The following CAPN8 variants were observed in gnomAD, a reference collection of about 807,000 sequenced individuals.
CAPN8 encodes the protein calpain 8.
In CAPN8, 87 loss-of-function variants were observed where a neutral mutation model predicts 80.9. The ratio of observed to expected loss-of-function variants is 1.07; its 90% CI spans 0.90 to 1.28. CAPN8 has a LOEUF of 1.28. Ranked by LOEUF, CAPN8 falls within the 50% of genes most tolerant of loss-of-function variation. The probability of loss-of-function intolerance (pLI) is 0.00; values close to 1 mark genes in which losing one functional copy is unlikely to be tolerated. For missense variants in CAPN8, 757 were observed against 702.0 expected (o/e 1.08, Z -0.89); for synonymous variants, 299 against 273.8 (o/e 1.09, Z -0.91).
At chr1:223,634,669 G>T (rs1056478398) in intron 2 of CAPN8, among the ~76,000 whole-genome samples, 1 of 152,204 alleles carries the variant, frequency 6.6e-6, no homozygotes, top group African/African-American at 2.4e-5. Context: ...GTTCATAAAT[G>T]GCTGTCTTCC....
chr1:223,664,931 C>A (rs1307211973), intron 1 of CAPN8, among the ~76,000 whole-genome samples: 1 of 152,054 alleles, frequency 6.6e-6, no homozygotes, highest in Non-Finnish European at 1.5e-5. Flanking sequence ...CAGAGTGAGA[C>A]TCTGCCTCAA....
At chr1:223,623,002 C>A (rs1657449626) in intron 6 of CAPN8, 102 bp from the exon 7 acceptor site, 1 of 843,040 alleles carries the variant, frequency 1.2e-6, no homozygotes, top group East Asian at 2.7e-5. Flanking sequence ...TTTCAAATGT[C>A]CCTAAAGGAC....
chr1:223,651,253 G>C (rs548732531), intron 2 of CAPN8, among the ~76,000 whole-genome samples: 3 of 152,234 alleles, frequency 2.0e-5, no homozygotes, highest in East Asian at 3.9e-4. Context: ...TGAGCGTTGT[G>C]GGAGGGCTTT....
intron 16 of CAPN8, 26 bp from the exon 17 acceptor site, chr1:223,545,325 T>C (rs368558606): frequency 7.5e-5 from 116 of 1,551,348 alleles, no homozygotes; most frequent in South Asian, 2.0e-4. Context: ...ACCAACATGA[T>C]TGAGTCCAAA....
intron 17 of CAPN8, 70 bp from the exon 18 acceptor site, chr1:223,544,920 C>T (rs745565085): frequency 1.0e-5 from 16 of 1,547,846 alleles, no homozygotes; most frequent in Non-Finnish European, 1.1e-5. Flanking sequence ...TCTCCCTCCA[C>T]CACACTGCTT....
chr1:223,556,487 C>A (rs2102694512), intron 13 of CAPN8, among the ~76,000 whole-genome samples: 1 of 152,266 alleles, frequency 6.6e-6, no homozygotes, highest in East Asian at 1.9e-4. Flanking sequence ...CCTGAGGACT[C>A]CCAGTTCATC....
intron 14 of CAPN8, among the ~76,000 whole-genome samples, chr1:223,553,569 G>A (rs1178585993): frequency 4.6e-5 from 7 of 152,166 alleles, no homozygotes; most frequent in African/African-American, 1.7e-4. Context: ...CTTTTGGCAG[G>A]ACCTGGAGAT....
chr1:223,657,822 G>A (rs894199212), intron 1 of CAPN8, among the ~76,000 whole-genome samples: 26 of 152,012 alleles, frequency 1.7e-4, no homozygotes, highest in Non-Finnish European at 3.5e-4. Flanking sequence ...TTCATCCATC[G>A]GTCTACTGAA....
At chr1:223,654,809 G>A (rs569020066) in intron 1 of CAPN8, among the ~76,000 whole-genome samples, 6 of 151,390 alleles carry the variant, frequency 4.0e-5, no homozygotes, top group Middle Eastern at 3.4e-3. Flanking sequence ...CCACATAGCT[G>A]GGATTACAGG....
chr1:223,617,982 C>A lies in CAPN8; in HGVS notation c.1135+1311G>T, dbSNP rs560125330. The A allele has an allele frequency of 5.2e-5, 21 of 405,560 alleles. No individual in the cohort carries two copies. The East Asian group carries it at 7.2e-4, about 14-fold the overall frequency. 25.1% of individuals were successfully genotyped at this position (405,560 alleles called of 1,614,324 possible). A position where few individuals can be genotyped will look rare whatever the true frequency, so the allele number is the denominator to read the frequency against. Reference sequence around the variant, plus strand: ...GGATGGGTGATGAAAGAAGAGAGAACTTGTCAAGACCCAGCACTGCATCCA... The same window carrying A: ...GGATGGGTGATGAAAGAAGAGAGAAATTGTCAAGACCCAGCACTGCATCCA... On this transcript the variant is annotated intron_variant, in intron 9 of 20. Transcript: ENST00000366872.
At chr1:223,644,644 G>A (rs1658139279) in intron 2 of CAPN8, among the ~76,000 whole-genome samples, 1 of 152,182 alleles carries the variant, frequency 6.6e-6, no homozygotes, top group Non-Finnish European at 1.5e-5. Flanking sequence ...TGAGGGGAGT[G>A]AGAGTTTCTA....
At chr1:223,614,533 T>C (rs1357385610) in intron 10 of CAPN8, among the ~76,000 whole-genome samples, 4 of 152,204 alleles carry the variant, frequency 2.6e-5, no homozygotes, top group Non-Finnish European at 5.9e-5. Context: ...TTGGCTGGAA[T>C]GTTCTCCCTT....
intron 2 of CAPN8, among the ~76,000 whole-genome samples, chr1:223,643,557 A>G (rs1658102965): frequency 6.6e-6 from 1 of 152,266 alleles, no homozygotes; most frequent in Admixed American, 6.5e-5. Context: ...ATATGTGAAA[A>G]GAGATAGAAA....
chr1:223,641,528 AG>A (rs1401067528), intron 2 of CAPN8, among the ~76,000 whole-genome samples: 3 of 152,124 alleles, frequency 2.0e-5, no homozygotes, highest in African/African-American at 4.8e-5. Context: ...GGCTATAAGC[AG>A]CCCTGCTTTA....
In CAPN8 at chr1:223,665,467, G is replaced by T; in HGVS notation, c.180C>A (p.Tyr60Ter). The stretch of plus-strand genomic sequence containing the variant: ...GCGGAGAGCCTGGTCCAAGATCCTT[G>T]TAGCCCAAAGCTGATGGACATGCTG... ...EFPACPSALG[Y>*]KDLGPGSPQT... The change falls in exon 1 of 21, where the codon TAC becomes TAA. Residue 60 changes from tyrosine to a stop codon, truncating the protein, a stop_gained. Transcript: ENST00000366872. LOFTEE classifies it high-confidence loss of function. The T allele has an allele frequency of 6.4e-7, 1 of 1,552,068 alleles. No homozygotes were observed. The highest frequency in any genetic ancestry group is 8.7e-7 in the Non-Finnish European group (1 of 1,147,070).
rs146730934 is a variant in CAPN8 at position 223,658,384 on chromosome 1, T to A, written c.238-3985A>T. On this transcript the variant is annotated intron_variant, in intron 1 of 20. Coordinates refer to ENST00000366872, the MANE Select transcript of CAPN8 (RefSeq NM_001143962.2). ...AAGTGGTTTGTAGGTAGATGGAATG[T>A]CCATTTTACTACGTGGTACTCAGTA... Among the ~76,000 whole-genome samples, 317 of 152,282 alleles carry A rather than the reference T, an allele frequency of 2.1e-3. 10 individuals are homozygous for A. In the East Asian group the frequency reaches 0.044, roughly 21 times the overall value.
intron 6 of CAPN8, among the ~76,000 whole-genome samples, chr1:223,625,426 A>C (rs1657540238): frequency 6.6e-6 from 1 of 152,234 alleles, no homozygotes; most frequent in Non-Finnish European, 1.5e-5. Context: ...AAGAGTCAGA[A>C]GAACCTTCTT....
chr1:223,655,955 G>A (rs1658473668), intron 1 of CAPN8, among the ~76,000 whole-genome samples: 1 of 152,196 alleles, frequency 6.6e-6, no homozygotes, highest in Admixed American at 6.5e-5. Flanking sequence ...TTACTTCATA[G>A]AGGTGAAGAA....
At position 223,609,346 on chromosome 1, in the gene CAPN8, C is replaced by T. The variant is rs1656976883; in HGVS notation, c.1342G>A (p.Ala448Thr). The change falls in exon 12 of 21, where the codon GCA becomes ACA. Residue 448 changes from alanine to threonine, a missense_variant. Coordinates refer to ENST00000366872, the MANE Select transcript of CAPN8 (RefSeq NM_001143962.2). ...AGGAAGAAATCCCGGCCCAAGTGTG[C>T]GTCCGTGTGACTCTCCAGCTGCACG... ...VPKELESHTD[A>T]HLGRDFFLAY... The T allele has an allele frequency of 3.5e-5, 14 of 398,512 alleles. No homozygotes were observed. In the South Asian group the frequency reaches 8.9e-4, roughly 25 times the overall value. The allele number at this position is 398,512 out of a possible 1,614,324, so 24.7% of individuals were successfully genotyped here.
Sources: allele counts gnomAD v4.1 joint callset (sites outside exome capture counted in the v4.1 genomes callset), GRCh38; gene constraint gnomAD v4.1.1; transcripts MANE v1.5; gene names NCBI Gene and HGNC (gene_info 2026-07-23, HGNC 2026-07-21).